The following SHOC1 variants were observed in gnomAD, a reference collection of about 807,000 sequenced individuals.
SHOC1 encodes protein shortage in chiasmata 1 ortholog.
In SHOC1, 136 loss-of-function variants were observed where a neutral mutation model predicts 179.2. That is an observed-to-expected ratio of 0.76 (90% CI 0.66 to 0.87). The LOEUF (loss-of-function observed/expected upper bound fraction) is 0.87. Among genes scored for constraint, SHOC1 ranks in the 40% least tolerant of loss-of-function variants. The pLI is 0.00. For missense variants in SHOC1, 1,538 were observed against 1,700.8 expected (o/e 0.90, Z 1.68); for synonymous variants, 489 against 586.6 (o/e 0.83, Z 2.41).
intron 8 of SHOC1, among the ~76,000 whole-genome samples, chr9:111,755,718 T>C (rs138479185): frequency 3.7e-3 from 559 of 152,338 alleles, no homozygotes; most frequent in Non-Finnish European, 5.6e-3. Flanking sequence ...TTATTGTTTA[T>C]AAGAAAACAA....
At chr9:111,792,989 TCTC>T (rs1283036814) in intron 1 of SHOC1, among the ~76,000 whole-genome samples, 2 of 152,050 alleles carry the variant, frequency 1.3e-5, no homozygotes, top group Non-Finnish European at 2.9e-5. Flanking sequence ...TTCACGCCAT[TCTC>T]CTGCCTCAGC....
chr9:111,764,563 T>C (rs887985321), intron 5 of SHOC1, among the ~76,000 whole-genome samples: 2 of 152,180 alleles, frequency 1.3e-5, no homozygotes, highest in African/African-American at 2.4e-5. Flanking sequence ...ACCAAAGTTA[T>C]AACTACATTG....
At chr9:111,772,659 G>T (rs1319823722) in intron 5 of SHOC1, among the ~76,000 whole-genome samples, 1 of 152,178 alleles carries the variant, frequency 6.6e-6, no homozygotes, top group Non-Finnish European at 1.5e-5. Flanking sequence ...AATGGTCAGG[G>T]CACTGTCTGC....
chr9:111,780,171 C>T (rs823639), intron 4 of SHOC1, among the ~76,000 whole-genome samples: 93,849 of 152,044 alleles, frequency 0.62, 29,480 homozygotes, highest in East Asian at 0.9. Context: ...TATTGGGCTT[C>T]ACTGTATCCA....
intron 12 of SHOC1, among the ~76,000 whole-genome samples, chr9:111,735,362 G>A (rs1015360339): frequency 2.0e-5 from 3 of 152,094 alleles, no homozygotes; most frequent in African/African-American, 7.2e-5. Context: ...AGGCCCTGGT[G>A]TGTGATGTTC....
intron 5 of SHOC1, among the ~76,000 whole-genome samples, chr9:111,762,494 C>T (rs1051432983): frequency 6.6e-6 from 1 of 151,548 alleles, no homozygotes; most frequent in South Asian, 2.1e-4. Flanking sequence ...ATAAAATATT[C>T]CCAAGATCAT....
chr9:111,740,985 T>C (rs1319399773), intron 11 of SHOC1, among the ~76,000 whole-genome samples: 2 of 152,086 alleles, frequency 1.3e-5, no homozygotes, highest in Non-Finnish European at 2.9e-5. Context: ...CCTCCCAGGT[T>C]TTCAAGTGAT....
intron 9 of SHOC1, 41 bp downstream of exon 9, chr9:111,748,051 G>C (rs762190592): frequency 3.8e-6 from 5 of 1,305,686 alleles, no homozygotes; most frequent in Non-Finnish European, 5.6e-6. Flanking sequence ...ATCATAAATA[G>C]GTAATCCCCA....
chr9:111,742,577 GAC>G (rs1319355443), intron 10 of SHOC1, among the ~76,000 whole-genome samples: 1 of 152,124 alleles, frequency 6.6e-6, no homozygotes, highest in Admixed American at 6.6e-5. Context: ...GTAGGGGAAA[GAC>G]TATTAATTCA....
At chr9:111,741,654 G>C in intron 10 of SHOC1, 84 bp from the exon 11 acceptor site, 1 of 714,048 alleles carries the variant, frequency 1.4e-6, no homozygotes, top group Middle Eastern at 4.4e-4. Context: ...ATTTTTTTGA[G>C]GCAGAGTCTC....
At chr9:111,754,742 T>C (rs1834777403) in intron 8 of SHOC1, among the ~76,000 whole-genome samples, 1 of 152,238 alleles carries the variant, frequency 6.6e-6, no homozygotes, top group African/African-American at 2.4e-5. Flanking sequence ...AAATGTGCTA[T>C]AGCCATACAA....
intron 24 of SHOC1, among the ~76,000 whole-genome samples, chr9:111,696,719 G>A (rs1831710748): frequency 6.6e-6 from 1 of 152,110 alleles, no homozygotes; most frequent in African/African-American, 2.4e-5. Context: ...GGTATCATAT[G>A]CCCCATGCAT....
chr9:111,756,488 CAT>C lies in SHOC1; in HGVS notation c.709-12_709-11del. 2 of 1,582,772 alleles carry C rather than the reference CAT, an allele frequency of 1.3e-6. No individual in the cohort carries two copies. Among genetic ancestry groups the C allele is most frequent in the South Asian group, 1.2e-5 (1 of 83,812 alleles). ...TAAGAAAACTTGACGGCTGAAAAAA[CAT>C]AGTTTAAAAAAGTTTTTAGAGAGGC... On this transcript the variant is annotated splice_polypyrimidine_tract_variant and intron_variant, in intron 7 of 27. Coordinates refer to ENST00000682961, the MANE Select transcript of SHOC1 (RefSeq NM_001378211.1).
chr9:111,692,658 G>A, intron 26 of SHOC1, 147 bp from the exon 27 acceptor site: 1 of 488,110 alleles, frequency 2.0e-6, no homozygotes, highest in Non-Finnish European at 3.5e-6. Flanking sequence ...GAAATCATTA[G>A]GCTCTATTAA....
chr9:111,706,490 T>TA (rs1192167912), intron 20 of SHOC1, 78 bp downstream of exon 20: 2 of 1,108,348 alleles, frequency 1.8e-6, no homozygotes, highest in Non-Finnish European at 1.2e-6. Context: ...AGCTTATTTT[T>TA]ATCTATAAAT....
chr9:111,712,628 G>A (rs1409478285), intron 18 of SHOC1, among the ~76,000 whole-genome samples: 5 of 152,116 alleles, frequency 3.3e-5, no homozygotes, highest in Admixed American at 3.3e-4. Context: ...GGGTAGAAAA[G>A]TGTAGTAAGT....
At chr9:111,739,165 A>G (rs956062672) in intron 11 of SHOC1, among the ~76,000 whole-genome samples, 27 of 152,214 alleles carry the variant, frequency 1.8e-4, no homozygotes, top group African/African-American at 6.0e-4. Context: ...AAACTTAAAA[A>G]TACTAATATT....
chr9:111,766,955 T>G (rs1454817722), intron 5 of SHOC1, among the ~76,000 whole-genome samples: 1 of 152,208 alleles, frequency 6.6e-6, no homozygotes, highest in Non-Finnish European at 1.5e-5. Context: ...TGATTAGTGA[T>G]GTTGAGCATT....
In SHOC1 at chr9:111,785,933, AT is replaced by A. The variant is rs1204487798; in HGVS notation, c.147del (p.Lys49AsnfsTer17). 1 of 1,494,202 alleles carries A rather than the reference AT, an allele frequency of 6.7e-7. No homozygotes were observed. The highest frequency in any genetic ancestry group is 2.6e-5 in the Admixed American group (1 of 38,844). The allele number at this position is 1,494,202 out of a possible 1,614,324, so 92.6% of individuals were successfully genotyped here. A position where few individuals can be genotyped will look rare whatever the true frequency, so the allele number is the denominator to read the frequency against. On this transcript the variant is annotated frameshift_variant, in exon 3 of 28. Coordinates refer to ENST00000682961, the MANE Select transcript of SHOC1 (RefSeq NM_001378211.1). LOFTEE classifies it high-confidence loss of function. Reference protein sequence around the residue: ...ESYHVAVTDNKFRRPWTRVSA... With the variant: ...ESYHVAVTDNXFRRPWTRVSA... ...ATACCTCTCGTCCATGGCCTCCTAA[AT>A]TTATTATCAGTAACTGCTACATGGT...
Sources: allele counts gnomAD v4.1 joint callset (sites outside exome capture counted in the v4.1 genomes callset), GRCh38; gene constraint gnomAD v4.1.1; transcripts MANE v1.5; gene names NCBI Gene and HGNC (gene_info 2026-07-23, HGNC 2026-07-21).